Variants in FGF12 observed in about 807,000 individuals in gnomAD.
FGF12 encodes the protein fibroblast growth factor 12B.
FGF12 carries 14 observed loss-of-function variants against 23.6 expected under a neutral mutation model. That is an observed-to-expected ratio of 0.59 (90% confidence interval 0.39 to 0.93). The LOEUF is 0.93. Ranked by LOEUF, FGF12 falls within the 40% of genes least tolerant of loss-of-function variation. FGF12 has a pLI of 0.00. For synonymous variants in FGF12, 62 were observed against 77.3 expected (o/e 0.80, Z 1.04); for missense variants, 175 against 217.8 (o/e 0.80, Z 1.24).
intron 2 of FGF12, among the ~76,000 whole-genome samples, chr3:192,431,585 C>T (rs1721861697): frequency 6.6e-6 from 1 of 152,086 alleles, no homozygotes; most frequent in Admixed American, 6.6e-5. Context: ...AAATACAAAA[C>T]CTGCTCAACA....
Position 192,508,728 on chromosome 3 carries a change from A to AT in FGF12, c.14-148191dup, listed in dbSNP as rs922994353. Among the ~76,000 whole-genome samples the AT allele has an allele frequency of 2.0e-5, 3 of 152,162 alleles. No individual in the cohort carries two copies. In the East Asian group the frequency reaches 5.8e-4, roughly 29 times the overall value. On this transcript the variant is annotated intron_variant, in intron 2 of 5. Transcript: ENST00000445105. The stretch of plus-strand genomic sequence containing the variant: ...CTTTATCTTAGTTGTATTCAAACAC[A>AT]TTTTTTTCCAGTAAAATATACAGAG...
intron 2 of FGF12, among the ~76,000 whole-genome samples, chr3:192,649,421 G>T (rs963480920): frequency 3.3e-5 from 5 of 151,908 alleles, no homozygotes; most frequent in African/African-American, 1.2e-4. Context: ...ACTAATGACC[G>T]TTTTAATTCT....
At chr3:192,497,840 C>A (rs1406606208) in intron 2 of FGF12, among the ~76,000 whole-genome samples, 1 of 152,224 alleles carries the variant, frequency 6.6e-6, no homozygotes, top group African/African-American at 2.4e-5. Flanking sequence ...CACCACCTGA[C>A]ATTCTATTAT....
chr3:192,720,659 G>T (rs890171853), intron 2 of FGF12, among the ~76,000 whole-genome samples: 7 of 152,284 alleles, frequency 4.6e-5, no homozygotes, highest in African/African-American at 1.7e-4. Flanking sequence ...GTACAGAAAT[G>T]AAATCTCTCT....
chr3:192,503,354 A>G lies in FGF12; in HGVS notation c.14-142816T>C, dbSNP rs574771226. On this transcript the variant is annotated intron_variant, in intron 2 of 5. Coordinates refer to ENST00000445105, the MANE Select transcript of FGF12 (RefSeq NM_004113.6). Reference sequence around the variant, plus strand: ...TCTGAATAATCTACCAACATAAGAGAGGGTTGAAAATGGATCACCATAGAC... The same window carrying G: ...TCTGAATAATCTACCAACATAAGAGGGGGTTGAAAATGGATCACCATAGAC... Among the ~76,000 whole-genome samples, 4 of 152,236 alleles carry G rather than the reference A, an allele frequency of 2.6e-5. No homozygotes were observed. The East Asian group carries it at 5.8e-4, about 22-fold the overall frequency.
intron 4 of FGF12, among the ~76,000 whole-genome samples, chr3:192,197,618 C>G (rs570895579): frequency 1.3e-5 from 2 of 152,258 alleles, no homozygotes; most frequent in African/African-American, 4.8e-5. Flanking sequence ...AATGAGGTAA[C>G]AGATGAAGGG....
At chr3:192,511,476 G>A (rs1222452645) in intron 2 of FGF12, among the ~76,000 whole-genome samples, 11 of 152,076 alleles carry the variant, frequency 7.2e-5, no homozygotes. Flanking sequence ...CATTTTGAGA[G>A]GAATGGGAAT....
intron 2 of FGF12, among the ~76,000 whole-genome samples, chr3:192,564,989 A>T (rs892090154): frequency 3.3e-5 from 5 of 152,204 alleles, no homozygotes; most frequent in African/African-American, 1.2e-4. Context: ...TCTCAAAACT[A>T]CTGTGTGTAT....
At position 192,140,128 on chromosome 3, in the gene FGF12, T is replaced by C. The variant is rs554186101; in HGVS notation, c.*3881A>G. 80 of 152,186 alleles carry C rather than the reference T, an allele frequency of 5.3e-4. No individual in the cohort carries two copies. The highest frequency in any genetic ancestry group is 1.9e-3 in the African/African-American group (79 of 41,566). 9.4% of individuals were successfully genotyped at this position (152,186 alleles called of 1,614,324 possible). ...AAGTTTTGCATTCAAATCTCTTTAT[T>C]TTTGATTACCTATGACTAAAGACCA... On this transcript the variant is annotated 3_prime_UTR_variant, in exon 6 of 6. Coordinates refer to ENST00000445105, the MANE Select transcript of FGF12 (RefSeq NM_004113.6).
Position 192,220,615 on chromosome 3 carries a change from G to T in FGF12, c.229-49959C>A, listed in dbSNP as rs539194661. 1.4e-4 allele frequency among the ~76,000 whole-genome samples: 21 copies of T among 152,140 alleles called. No homozygotes were observed. The South Asian group carries it at 4.2e-3, about 30-fold the overall frequency. ...ATCACTCGACATACTGAGATAACAT[G>T]CACACACAGACAACATATTAGTTGT... On this transcript the variant is annotated intron_variant, in intron 4 of 5. Transcript: ENST00000445105.
intron 2 of FGF12, among the ~76,000 whole-genome samples, chr3:192,491,596 T>C (rs758576402): frequency 6.6e-6 from 1 of 152,168 alleles, no homozygotes; most frequent in African/African-American, 2.4e-5. Flanking sequence ...TATCTTCATC[T>C]AAATTATGGA....
At chr3:192,175,309 C>CA (rs1715797493) in intron 4 of FGF12, among the ~76,000 whole-genome samples, 1 of 152,086 alleles carries the variant, frequency 6.6e-6, no homozygotes, top group Admixed American at 6.6e-5. Context: ...TAAGACTAAC[C>CA]AGTAGTCATG....
chr3:192,533,033 C>T (rs1725131837), intron 2 of FGF12, among the ~76,000 whole-genome samples: 1 of 152,086 alleles, frequency 6.6e-6, no homozygotes, highest in South Asian at 2.1e-4. Flanking sequence ...CATCTGACAC[C>T]ATCTTACTCA....
At position 192,419,684 on chromosome 3, in the gene FGF12, T is replaced by G. The variant is rs1334826963; in HGVS notation, c.14-59146A>C. Among the ~76,000 whole-genome samples the G allele has an allele frequency of 2.6e-5, 4 of 152,126 alleles. No homozygotes were observed. In the East Asian group the frequency reaches 7.7e-4, roughly 29 times the overall value. On this transcript the variant is annotated intron_variant, in intron 2 of 5. Transcript: ENST00000445105. Reference sequence around the variant, plus strand: ...AAGGCAATACTTGGGAAAACTTTTGTTCATTTTAAAGGACATAAAAAAGGG... The same window carrying G: ...AAGGCAATACTTGGGAAAACTTTTGGTCATTTTAAAGGACATAAAAAAGGG...
intron 4 of FGF12, among the ~76,000 whole-genome samples, chr3:192,321,946 A>G (rs1325275111): frequency 6.6e-6 from 1 of 152,176 alleles, no homozygotes; most frequent in Non-Finnish European, 1.5e-5. Flanking sequence ...GTTATTCAAC[A>G]TAATCCTGGA....
chr3:192,286,219 C>T (rs1441336050), intron 4 of FGF12, among the ~76,000 whole-genome samples: 1 of 151,918 alleles, frequency 6.6e-6, no homozygotes, highest in Non-Finnish European at 1.5e-5. Flanking sequence ...TTAAGTTTTC[C>T]ATTACATGTG....
At chr3:192,675,981 C>A (rs766335643) in intron 2 of FGF12, among the ~76,000 whole-genome samples, 8 of 152,188 alleles carry the variant, frequency 5.3e-5, no homozygotes, top group Non-Finnish European at 8.8e-5. Flanking sequence ...CTCAGGTTGA[C>A]ATATCCTAGG....
intron 4 of FGF12, among the ~76,000 whole-genome samples, chr3:192,173,789 G>C (rs1342012790): frequency 6.6e-6 from 1 of 152,148 alleles, no homozygotes; most frequent in Non-Finnish European, 1.5e-5. Flanking sequence ...TTTTGTGTAA[G>C]TACATATCGT....
intron 2 of FGF12, among the ~76,000 whole-genome samples, chr3:192,614,777 GAA>G (rs1714686404): frequency 6.6e-6 from 1 of 151,908 alleles, no homozygotes; most frequent in Admixed American, 6.6e-5. Flanking sequence ...GTGAGAGAGA[GAA>G]AGGTTTTCTG....
Sources: allele counts gnomAD v4.1 joint callset (sites outside exome capture counted in the v4.1 genomes callset), GRCh38; gene constraint gnomAD v4.1.1; transcripts MANE v1.5; gene names NCBI Gene and HGNC (gene_info 2026-07-23, HGNC 2026-07-21).